Variants in RTL4 observed in about 807,000 individuals in gnomAD.
The protein encoded by RTL4 is retrotransposon Gag like 4.
RTL4 carries 4 observed loss-of-function variants against 5.3 expected under a neutral mutation model. That is an observed-to-expected ratio of 0.75 (90% confidence interval 0.37 to 1.72). The LOEUF (loss-of-function observed/expected upper bound fraction) is 1.72. RTL4 is among the 40% of genes most tolerant of loss of function. RTL4 has a pLI of 0.04. For synonymous variants in RTL4, 98 were observed against 87.3 expected, an observed-to-expected ratio of 1.12 and a Z score of -0.68; for missense variants, 260 against 227.1, an observed-to-expected ratio of 1.14 and a Z score of -0.93.
the RTL4 span, among the ~76,000 whole-genome samples, chrX:112,213,254 C>T: frequency 3.5e-5 from 4 of 112,761 alleles, no homozygotes; most frequent in Non-Finnish European, 7.5e-5. Context: ...GTTGTTGGCT[C>T]TTCATGATTT....
At chrX:112,414,446 G>A in the RTL4 span, among the ~76,000 whole-genome samples, 1 of 111,350 alleles carries the variant, frequency 9.0e-6, no homozygotes, top group Non-Finnish European at 1.9e-5. Flanking sequence ...ATGCTCTCTT[G>A]TATTGCTTTT....
At chrX:112,235,215 A>G in the RTL4 span, among the ~76,000 whole-genome samples, 2 of 111,936 alleles carry the variant, frequency 1.8e-5, no homozygotes, top group Non-Finnish European at 3.8e-5. Flanking sequence ...GCCAACTGAT[A>G]TCAATGGACT....
At chrX:112,381,421 A>G in the RTL4 span, 33 of 1,209,857 alleles carry the variant, frequency 2.7e-5, no homozygotes, top group Non-Finnish European at 3.6e-5. Flanking sequence ...ATATAAAACA[A>G]GCTCAAACCC....
the RTL4 span, among the ~76,000 whole-genome samples, chrX:112,390,146 TATATATATATATATTTAG>T: frequency 2.1e-5 from 1 of 48,701 alleles, no homozygotes; most frequent in African/African-American, 8.2e-5. Context: ...TATATATATA[TATATATATATATATTTAG>T]GATCGTGGCC....
chrX:112,336,205 TG>T, the RTL4 span, among the ~76,000 whole-genome samples: 2 of 112,052 alleles, frequency 1.8e-5, no homozygotes, highest in Non-Finnish European at 3.8e-5. Flanking sequence ...GTTTGAGAGA[TG>T]TAAGTTCGTA....
the RTL4 span, among the ~76,000 whole-genome samples, chrX:112,342,944 A>G: frequency 9.0e-6 from 1 of 111,529 alleles, no homozygotes; most frequent in South Asian, 3.8e-4. Context: ...TACTAAGACT[A>G]CAAAAAATTA....
the RTL4 span, among the ~76,000 whole-genome samples, chrX:112,438,657 C>T: frequency 1.8e-5 from 2 of 112,490 alleles, no homozygotes; most frequent in South Asian, 7.3e-4. Context: ...TACCTCAGAT[C>T]TCCCCTGTCC....
chrX:112,153,446 T>C, the RTL4 span, among the ~76,000 whole-genome samples: 2 of 111,906 alleles, frequency 1.8e-5, no homozygotes, highest in African/African-American at 3.2e-5. Context: ...TAAATGAAAG[T>C]TGATTGTTGA....
chrX:112,362,568 G>A, the RTL4 span, among the ~76,000 whole-genome samples: 1 of 110,741 alleles, frequency 9.0e-6, no homozygotes, highest in South Asian at 3.8e-4. Flanking sequence ...AGCTTATGGT[G>A]TTTGAGAAGA....
chrX:112,102,024 A>G, the RTL4 span, among the ~76,000 whole-genome samples: 2 of 110,986 alleles, frequency 1.8e-5, no homozygotes, highest in African/African-American at 6.6e-5. Flanking sequence ...AAAACTGTAA[A>G]AGAATATGTT....
the RTL4 span, among the ~76,000 whole-genome samples, chrX:112,377,077 A>AT: frequency 9.0e-6 from 1 of 111,594 alleles, no homozygotes; most frequent in Non-Finnish European, 1.9e-5. Context: ...GACACTATTA[A>AT]TTTTTTTAGA....
the RTL4 span, among the ~76,000 whole-genome samples, chrX:112,201,334 T>C: frequency 0.18 from 19,836 of 110,482 alleles, 1,341 homozygotes; most frequent in Non-Finnish European, 0.2. Flanking sequence ...AAGCCTAACC[T>C]TTTCACACCT....
the RTL4 span, among the ~76,000 whole-genome samples, chrX:112,364,188 A>G: frequency 2.8e-4 from 31 of 111,449 alleles, no homozygotes; most frequent in Non-Finnish European, 4.7e-4. Flanking sequence ...GAAGTAAATG[A>G]CTTGGATATT....
chrX:112,284,170 T>C, the RTL4 span, among the ~76,000 whole-genome samples: 2 of 108,281 alleles, frequency 1.8e-5, no homozygotes, highest in Non-Finnish European at 3.8e-5. Context: ...TATACATATA[T>C]ATGTATAAAA....
At chrX:112,083,223 G>A in the RTL4 span, among the ~76,000 whole-genome samples, 55 of 112,680 alleles carry the variant, frequency 4.9e-4, no homozygotes, top group African/African-American at 1.7e-3. Flanking sequence ...GGTGCGGGTA[G>A]AGGGGACAGG....
the RTL4 span, among the ~76,000 whole-genome samples, chrX:112,211,519 T>C: frequency 8.9e-6 from 1 of 112,071 alleles, no homozygotes; most frequent in Non-Finnish European, 1.9e-5. Context: ...TTTAATATAT[T>C]GTCTTAAGGA....
the RTL4 span, among the ~76,000 whole-genome samples, chrX:112,372,176 G>A: frequency 1.8e-5 from 2 of 111,162 alleles, no homozygotes; most frequent in Non-Finnish European, 3.8e-5. Flanking sequence ...ACTTCTAACA[G>A]CATAGATTTG....
chrX:112,253,893 A>G, the RTL4 span, among the ~76,000 whole-genome samples: 1 of 111,692 alleles, frequency 9.0e-6, no homozygotes, highest in Non-Finnish European at 1.9e-5. Flanking sequence ...CCAGCTTAGC[A>G]ATAATTCCCC....
chrX:112,158,001 C>G, the RTL4 span, among the ~76,000 whole-genome samples: 4 of 111,303 alleles, frequency 3.6e-5, no homozygotes, highest in Non-Finnish European at 7.5e-5. Flanking sequence ...GCCCCCTGTC[C>G]CTGGCTCCCT....
Sources: gnomAD v4.1 joint callset for allele counts (sites outside exome capture counted in the v4.1 genomes callset) on GRCh38, gnomAD v4.1.1 for gene constraint, MANE v1.5 for transcripts, NCBI Gene and HGNC (gene_info 2026-07-23, HGNC 2026-07-21) for gene names.